The following DLG2 variants were observed in gnomAD, a reference collection of about 807,000 sequenced individuals.
DLG2 encodes discs large MAGUK scaffold protein 2.
A neutral mutation model predicts 132.5 loss-of-function variants in DLG2; 45 were observed. The ratio of observed to expected loss-of-function variants is 0.34; its 90% CI spans 0.27 to 0.44. DLG2 has a LOEUF of 0.44. Among genes scored for constraint, DLG2 ranks in the 20% least tolerant of loss-of-function variants. DLG2 has a pLI of 1.00. For synonymous variants in DLG2, 424 were observed against 419.6 expected, an observed-to-expected ratio of 1.01 and a Z score of -0.13; for missense variants, 1,045 against 1,196.9, an observed-to-expected ratio of 0.87 and a Z score of 1.87.
chr11:83,485,473 G>T (rs923290840), intron 21 of DLG2, among the ~76,000 whole-genome samples: 6 of 152,186 alleles, frequency 3.9e-5, no homozygotes, highest in Middle Eastern at 3.4e-3. Flanking sequence ...TGGCTCTGAG[G>T]GTCTTTCAGC....
Position 84,528,308 on chromosome 11 carries a change from T to A in DLG2, c.519+6262A>T, listed in dbSNP as rs562036550. ...CTTGAATTCACCACTAAATTGCATT[T>A]CTCTTTCCAATCCCACACTTCACAC... On this transcript the variant is annotated intron_variant, in intron 7 of 27. Coordinates refer to ENST00000376104, the MANE Select transcript of DLG2 (RefSeq NM_001142699.3). Among the ~76,000 whole-genome samples, 13 of 152,250 alleles carry A rather than the reference T, an allele frequency of 8.5e-5. No homozygotes were observed. The East Asian group carries it at 2.5e-3, about 29-fold the overall frequency.
chr11:85,586,911 GT>G (rs1483501330), intron 3 of DLG2, among the ~76,000 whole-genome samples: 1 of 152,098 alleles, frequency 6.6e-6, no homozygotes, highest in Non-Finnish European at 1.5e-5. Flanking sequence ...CTATTGTTCA[GT>G]TCAAAGAATT....
intron 6 of DLG2, among the ~76,000 whole-genome samples, chr11:84,994,344 C>T (rs1036749051): frequency 1.3e-5 from 2 of 152,134 alleles, no homozygotes; most frequent in African/African-American, 4.8e-5. Flanking sequence ...ATTCCTGTAA[C>T]ACCAGAATTA....
chr11:84,584,806 A>G (rs2099525548), intron 6 of DLG2, among the ~76,000 whole-genome samples: 1 of 145,846 alleles, frequency 6.9e-6, no homozygotes, highest in African/African-American at 2.5e-5. Context: ...CTCCTGCCTC[A>G]GCCTCCCAAG....
chr11:85,067,830 C>G (rs989583327), intron 6 of DLG2, among the ~76,000 whole-genome samples: 3 of 151,986 alleles, frequency 2.0e-5, no homozygotes, highest in Non-Finnish European at 4.4e-5. Context: ...ATACCAAAGC[C>G]TGGGAGAGAC....
chr11:84,244,392 G>A (rs760354284), intron 8 of DLG2, among the ~76,000 whole-genome samples: 2 of 152,100 alleles, frequency 1.3e-5, no homozygotes, highest in Admixed American at 1.3e-4. Context: ...CAGCATGTCG[G>A]CCAGGCTAGT....
intron 6 of DLG2, among the ~76,000 whole-genome samples, chr11:84,879,668 C>A (rs572508744): frequency 3.9e-5 from 6 of 152,012 alleles, no homozygotes; most frequent in Non-Finnish European, 7.4e-5. Context: ...AGGGCTAGGA[C>A]GTTCAATTGT....
chr11:84,751,611 G>A (rs2066123849), intron 6 of DLG2, among the ~76,000 whole-genome samples: 1 of 152,136 alleles, frequency 6.6e-6, no homozygotes, highest in Non-Finnish European at 1.5e-5. Flanking sequence ...AAAATCGGCT[G>A]TGGTTAACAT....
At chr11:85,186,607 C>A (rs2080117645) in intron 4 of DLG2, among the ~76,000 whole-genome samples, 1 of 152,028 alleles carries the variant, frequency 6.6e-6, no homozygotes, top group South Asian at 2.1e-4. Context: ...TATGAGGAAG[C>A]TAAAAGTGGC....
At chr11:83,886,300 A>C (rs2067878488) in intron 15 of DLG2, among the ~76,000 whole-genome samples, 1 of 152,234 alleles carries the variant, frequency 6.6e-6, no homozygotes, top group African/African-American at 2.4e-5. Context: ...TTGCAATCCT[A>C]GTCTCTGATA....
chr11:85,217,112 A>G (rs1032045082), intron 4 of DLG2, among the ~76,000 whole-genome samples: 1 of 152,194 alleles, frequency 6.6e-6, no homozygotes, highest in Admixed American at 6.5e-5. Flanking sequence ...ATATTGGTAA[A>G]ACAAATATTA....
intron 18 of DLG2, among the ~76,000 whole-genome samples, chr11:83,697,464 T>C (rs2082134410): frequency 6.6e-6 from 1 of 152,214 alleles, no homozygotes; most frequent in Non-Finnish European, 1.5e-5. Flanking sequence ...GGGAAGCAGA[T>C]GGTACCTAAT....
intron 4 of DLG2, among the ~76,000 whole-genome samples, chr11:85,205,163 T>TAGAG (rs964913748): frequency 6.9e-5 from 10 of 144,744 alleles, no homozygotes; most frequent in African/African-American, 2.3e-4. Context: ...TATATATATA[T>TAGAG]AGATATATAT....
chr11:85,220,064 C>T (rs1318235439), intron 4 of DLG2, among the ~76,000 whole-genome samples: 6 of 151,950 alleles, frequency 3.9e-5, no homozygotes, highest in African/African-American at 1.5e-4. Context: ...CTTTAACATA[C>T]TAGTGGTATG....
chr11:83,542,837 A>T (rs1342353915), intron 19 of DLG2, among the ~76,000 whole-genome samples: 2 of 152,188 alleles, frequency 1.3e-5, no homozygotes. Flanking sequence ...ACTTTCCCAG[A>T]GAAGCAGATT....
chr11:85,271,772 A>G (rs1344095336), intron 4 of DLG2, among the ~76,000 whole-genome samples: 1 of 152,186 alleles, frequency 6.6e-6, no homozygotes, highest in Non-Finnish European at 1.5e-5. Context: ...AATTTCTCCC[A>G]TTTGGAACAA....
At chr11:84,479,731 C>T (rs911929241) in intron 7 of DLG2, among the ~76,000 whole-genome samples, 2 of 151,820 alleles carry the variant, frequency 1.3e-5, no homozygotes, top group Non-Finnish European at 2.9e-5. Context: ...TTAATTGATG[C>T]CATGAAAAAT....
chr11:84,394,042 C>A lies in DLG2; in HGVS notation c.519+140528G>T, dbSNP rs1017384291. 1.1e-4 allele frequency among the ~76,000 whole-genome samples: 17 copies of A among 152,066 alleles called. No individual in the cohort carries two copies. The East Asian group carries it at 1.7e-3, about 16-fold the overall frequency. Reference sequence around the variant, plus strand: ...CTGTGATTACAGGCATGCATCAACACGCCCAGCTATTTTTAGTAGAGACAG... The same window carrying A: ...CTGTGATTACAGGCATGCATCAACAAGCCCAGCTATTTTTAGTAGAGACAG... On this transcript the variant is annotated intron_variant, in intron 7 of 27. Coordinates refer to ENST00000376104, the MANE Select transcript of DLG2 (RefSeq NM_001142699.3).
intron 3 of DLG2, among the ~76,000 whole-genome samples, chr11:85,456,725 C>T (rs1356183132): frequency 6.6e-6 from 1 of 152,110 alleles, no homozygotes; most frequent in Admixed American, 6.6e-5. Context: ...CCCTATTTAT[C>T]CAAAAATCAT....
Sources: allele counts gnomAD v4.1 joint callset (sites outside exome capture counted in the v4.1 genomes callset), GRCh38; gene constraint gnomAD v4.1.1; transcripts MANE v1.5; gene names NCBI Gene and HGNC (gene_info 2026-07-23, HGNC 2026-07-21).